The following JARID2 variants were observed in gnomAD, a reference collection of about 807,000 sequenced individuals.
JARID2 encodes the protein protein Jumonji.
A neutral mutation model predicts 125.6 loss-of-function variants in JARID2; 21 were observed. The ratio of observed to expected loss-of-function variants is 0.17; its 90% CI spans 0.12 to 0.24. JARID2 has a LOEUF of 0.24. Ranked by LOEUF, JARID2 falls within the 10% of genes least tolerant of loss-of-function variation. JARID2 has a pLI of 1.00. For missense variants in JARID2, 1,303 were observed against 1,639.6 expected (o/e 0.79, Z 3.55); for synonymous variants, 736 against 661.6 (o/e 1.11, Z -1.73).
intron 3 of JARID2, among the ~76,000 whole-genome samples, chr6:15,444,820 AAAT>A (rs1309949735): frequency 7.5e-6 from 1 of 133,340 alleles, no homozygotes; most frequent in Non-Finnish European, 1.5e-5. Context: ...GATGTAATCT[AAAT>A]AATTGGATTT....
chr6:15,393,916 A>T (rs953574264), intron 2 of JARID2, among the ~76,000 whole-genome samples: 2 of 152,224 alleles, frequency 1.3e-5, no homozygotes, highest in African/African-American at 2.4e-5. Context: ...AAACAAAAAA[A>T]CAAAAACTGT....
intron 16 of JARID2, among the ~76,000 whole-genome samples, chr6:15,514,156 A>G (rs768638403): frequency 3.6e-5 from 4 of 110,118 alleles, no homozygotes; most frequent in Admixed American, 3.0e-4. Context: ...AAGCCCTTCC[A>G]TGGCGACTGG....
chr6:15,266,132 T>C (rs1760074769), intron 1 of JARID2, among the ~76,000 whole-genome samples: 1 of 152,206 alleles, frequency 6.6e-6, no homozygotes, highest in Non-Finnish European at 1.5e-5. Context: ...GACATTTGTG[T>C]CTTCCCATTT....
At chr6:15,340,509 A>G (rs1763031299) in intron 1 of JARID2, among the ~76,000 whole-genome samples, 1 of 152,228 alleles carries the variant, frequency 6.6e-6, no homozygotes, top group East Asian at 1.9e-4. Flanking sequence ...GCCAACCTTC[A>G]GGTTTATAAA....
chr6:15,450,450 A>AT (rs1767868434), intron 3 of JARID2, among the ~76,000 whole-genome samples: 1 of 152,148 alleles, frequency 6.6e-6, no homozygotes. Flanking sequence ...GATTACAGGG[A>AT]TGAACCACTG....
chr6:15,277,031 A>G (rs1191948196), intron 1 of JARID2, among the ~76,000 whole-genome samples: 1 of 152,212 alleles, frequency 6.6e-6, no homozygotes, highest in African/African-American at 2.4e-5. Flanking sequence ...TCAGTTCTTC[A>G]TGAATGAGTT....
intron 3 of JARID2, among the ~76,000 whole-genome samples, chr6:15,416,085 C>G (rs539046470): frequency 0.01 from 1,516 of 149,092 alleles, 25 homozygotes; most frequent in African/African-American, 0.035. Flanking sequence ...ACATCTCAGA[C>G]GATGGGCGGC....
At chr6:15,468,828 A>C in intron 5 of JARID2, 110 bp downstream of exon 5, 2 of 1,058,402 alleles carry the variant, frequency 1.9e-6, no homozygotes, top group Non-Finnish European at 2.7e-6. Flanking sequence ...CGTTCTGGGT[A>C]CTTCTCCAGG....
intron 1 of JARID2, among the ~76,000 whole-genome samples, chr6:15,312,337 G>A (rs1307116207): frequency 6.6e-6 from 1 of 152,214 alleles, no homozygotes; most frequent in Non-Finnish European, 1.5e-5. Flanking sequence ...ACAGGCGTGA[G>A]CCACCATGCC....
At chr6:15,420,498 A>T (rs1022366360) in intron 3 of JARID2, among the ~76,000 whole-genome samples, 7 of 152,232 alleles carry the variant, frequency 4.6e-5, no homozygotes, top group African/African-American at 1.7e-4. Flanking sequence ...TGTGGAGTAC[A>T]GTTACAAGAG....
intron 1 of JARID2, among the ~76,000 whole-genome samples, chr6:15,297,643 G>C (rs577057276): frequency 6.6e-6 from 1 of 152,184 alleles, no homozygotes; most frequent in Non-Finnish European, 1.5e-5. Context: ...TGCTTGGCCA[G>C]CAACTAGCTT....
intron 1 of JARID2, among the ~76,000 whole-genome samples, chr6:15,309,732 A>G (rs1342553770): frequency 6.6e-6 from 1 of 151,152 alleles, no homozygotes; most frequent in African/African-American, 2.4e-5. Flanking sequence ...GTGTAGGCAC[A>G]GGTGGGAGGG....
At chr6:15,508,244 C>T (rs1433079257) in intron 11 of JARID2, 96 bp from the exon 12 acceptor site, 6 of 696,014 alleles carry the variant, frequency 8.6e-6, no homozygotes, top group Non-Finnish European at 1.6e-5. Context: ...TCTTTTCCTT[C>T]TTGTTTTAGC....
At chr6:15,408,961 G>C (rs887402397) in intron 2 of JARID2, among the ~76,000 whole-genome samples, 10 of 152,148 alleles carry the variant, frequency 6.6e-5, no homozygotes, top group African/African-American at 2.2e-4. Context: ...AGCCTCATTA[G>C]TCGAAGTGAA....
At chr6:15,307,529 A>G (rs1209609619) in intron 1 of JARID2, among the ~76,000 whole-genome samples, 2 of 152,080 alleles carry the variant, frequency 1.3e-5, no homozygotes, top group Non-Finnish European at 2.9e-5. Context: ...TTTTTAGTAC[A>G]TTGCAATTAA....
intron 1 of JARID2, among the ~76,000 whole-genome samples, chr6:15,364,943 G>A (rs1763923036): frequency 1.3e-5 from 2 of 152,170 alleles, no homozygotes. Flanking sequence ...CATGTGACTA[G>A]TGGCTACTGT....
At chr6:15,406,618 A>G (rs1020715150) in intron 2 of JARID2, among the ~76,000 whole-genome samples, 1 of 152,354 alleles carries the variant, frequency 6.6e-6, no homozygotes, top group Admixed American at 6.5e-5. Context: ...AGGGCCTGGA[A>G]CAATGGAGTC....
At chr6:15,397,746 G>A (rs1215372543) in intron 2 of JARID2, among the ~76,000 whole-genome samples, 1 of 152,216 alleles carries the variant, frequency 6.6e-6, no homozygotes, top group Non-Finnish European at 1.5e-5. Flanking sequence ...CATTCAACTT[G>A]TAAATTTGAA....
chr6:15,509,438 GTGC>G, intron 12 of JARID2: 1 of 820,900 alleles, frequency 1.2e-6, no homozygotes, highest in Non-Finnish European at 1.5e-6. Flanking sequence ...CTGGTGAGTG[GTGC>G]TGTGGACATG....
Sources: allele counts gnomAD v4.1 joint callset (sites outside exome capture counted in the v4.1 genomes callset), GRCh38; gene constraint gnomAD v4.1.1; transcripts MANE v1.5; gene names NCBI Gene and HGNC (gene_info 2026-07-23, HGNC 2026-07-21).